Variants in SLC44A5 observed in about 807,000 individuals in gnomAD.
SLC44A5 encodes the protein solute carrier family 44 member 5.
A neutral mutation model predicts 101.8 loss-of-function variants in SLC44A5; 57 were observed. That is an observed-to-expected ratio of 0.56 (90% CI 0.45 to 0.70). SLC44A5 has a LOEUF of 0.70. Ranked by LOEUF, SLC44A5 falls within the 30% of genes least tolerant of loss-of-function variation. The pLI is 0.00. For synonymous variants in SLC44A5, 281 were observed against 290.9 expected, an observed-to-expected ratio of 0.97 and a Z score of 0.35; for missense variants, 737 against 853.1, an observed-to-expected ratio of 0.86 and a Z score of 1.70.
At chr1:75,489,395 T>C (rs143939505) in intron 2 of SLC44A5, among the ~76,000 whole-genome samples, 10 of 152,318 alleles carry the variant, frequency 6.6e-5, no homozygotes, top group Non-Finnish European at 1.3e-4. Context: ...AAGAAAAACA[T>C]AGAGCCAGCT....
chr1:75,242,133 T>C, intron 8 of SLC44A5, 72 bp from the exon 9 acceptor site: 1 of 1,217,774 alleles, frequency 8.2e-7, no homozygotes, highest in Admixed American at 2.0e-5. Flanking sequence ...TCTAAATATG[T>C]CCTTTAAAAA....
At chr1:75,497,591 G>A (rs979044815) in intron 2 of SLC44A5, among the ~76,000 whole-genome samples, 10 of 151,986 alleles carry the variant, frequency 6.6e-5, no homozygotes, top group Admixed American at 3.3e-4. Context: ...TAATAGTACC[G>A]TAAGACATAT....
chr1:75,601,846 G>A (rs1467764153), intron 1 of SLC44A5, among the ~76,000 whole-genome samples: 1 of 151,940 alleles, frequency 6.6e-6, no homozygotes, highest in East Asian at 1.9e-4. Flanking sequence ...CTGAGACATT[G>A]GTCTGACAAT....
intron 6 of SLC44A5, among the ~76,000 whole-genome samples, chr1:75,272,370 A>T: frequency 6.6e-6 from 1 of 150,960 alleles, no homozygotes; most frequent in African/African-American, 2.4e-5. Context: ...ATTTCTCACA[A>T]GATAGATATT....
chr1:75,298,585 G>A (rs1475072383), intron 5 of SLC44A5, among the ~76,000 whole-genome samples: 2 of 151,946 alleles, frequency 1.3e-5, no homozygotes, highest in African/African-American at 4.8e-5. Context: ...AGGACACAAA[G>A]CATTTTTCTG....
intron 6 of SLC44A5, among the ~76,000 whole-genome samples, chr1:75,262,239 A>G (rs568279498): frequency 1.3e-5 from 2 of 152,344 alleles, no homozygotes; most frequent in African/African-American, 4.8e-5. Context: ...AGAAAACCCC[A>G]TCATCTCAGC....
At chr1:75,322,052 G>A (rs904171124) in intron 4 of SLC44A5, among the ~76,000 whole-genome samples, 10 of 152,150 alleles carry the variant, frequency 6.6e-5, no homozygotes, top group South Asian at 4.1e-4. Flanking sequence ...GGTGGCTCAC[G>A]TCTGGAATTC....
chr1:75,283,688 A>G (rs902328401), intron 5 of SLC44A5, among the ~76,000 whole-genome samples: 3 of 152,104 alleles, frequency 2.0e-5, no homozygotes, highest in Admixed American at 6.5e-5. Flanking sequence ...GTGAGAGATG[A>G]AGATCCAGTT....
chr1:75,308,833 T>C (rs1252907574), intron 4 of SLC44A5, among the ~76,000 whole-genome samples: 1 of 152,228 alleles, frequency 6.6e-6, no homozygotes, highest in Admixed American at 6.5e-5. Flanking sequence ...CTCATTCAGC[T>C]ATTAAAATAG....
chr1:75,405,072 A>G (rs1243062939), intron 2 of SLC44A5, among the ~76,000 whole-genome samples: 1 of 152,250 alleles, frequency 6.6e-6, no homozygotes, highest in Admixed American at 6.5e-5. Flanking sequence ...ACAGACTTTC[A>G]ACAAACAGAG....
At chr1:75,684,599 C>A in the SLC44A5 span, among the ~76,000 whole-genome samples, 2 of 152,170 alleles carry the variant, frequency 1.3e-5, no homozygotes, top group Non-Finnish European at 2.9e-5. Context: ...CAAAATCCAG[C>A]AGGGTATTCA....
chr1:75,359,230 C>CT (rs58243679), intron 3 of SLC44A5, among the ~76,000 whole-genome samples: 2,249 of 108,672 alleles, frequency 0.021, 55 homozygotes, highest in East Asian at 0.069. Context: ...ATTTTCTTTT[C>CT]TTTTTTTTTT....
chr1:75,279,248 C>T (rs1652185163), intron 5 of SLC44A5, among the ~76,000 whole-genome samples: 1 of 152,230 alleles, frequency 6.6e-6, no homozygotes, highest in African/African-American at 2.4e-5. Flanking sequence ...TACTCTGTAC[C>T]TCCATGAGAT....
the SLC44A5 span, among the ~76,000 whole-genome samples, chr1:75,664,617 T>C: frequency 2.6e-5 from 4 of 151,974 alleles, no homozygotes; most frequent in Non-Finnish European, 5.9e-5. Flanking sequence ...AGGTGAAAGA[T>C]TTCTATAAAG....
intron 5 of SLC44A5, among the ~76,000 whole-genome samples, chr1:75,292,107 A>G (rs1266534188): frequency 6.6e-6 from 1 of 151,996 alleles, no homozygotes; most frequent in East Asian, 1.9e-4. Context: ...GATGAACTAC[A>G]GGGAGATTTT....
chr1:75,558,218 AAC>A (rs1672324543), intron 1 of SLC44A5, among the ~76,000 whole-genome samples: 1 of 152,186 alleles, frequency 6.6e-6, no homozygotes, highest in Admixed American at 6.6e-5. Flanking sequence ...TAATAGCAAG[AAC>A]ACTGTAGAGT....
chr1:75,589,934 C>T (rs1674250102), intron 1 of SLC44A5, among the ~76,000 whole-genome samples: 4 of 152,154 alleles, frequency 2.6e-5, no homozygotes, highest in Admixed American at 2.6e-4. Context: ...AACCTCACCA[C>T]CTAGCGCCAA....
intron 3 of SLC44A5, among the ~76,000 whole-genome samples, chr1:75,383,537 C>T (rs886578722): frequency 2.0e-5 from 3 of 152,008 alleles, no homozygotes; most frequent in Admixed American, 1.3e-4. Context: ...GCAAAGCCTC[C>T]AAGAAATATG....
At chr1:75,505,898 G>A (rs934466130) in intron 2 of SLC44A5, among the ~76,000 whole-genome samples, 1 of 151,960 alleles carries the variant, frequency 6.6e-6, no homozygotes, top group Admixed American at 6.6e-5. Flanking sequence ...TTACTTTTGA[G>A]GAAAGACTTA....
Sources: gnomAD v4.1 joint callset for allele counts (sites outside exome capture counted in the v4.1 genomes callset) on GRCh38, gnomAD v4.1.1 for gene constraint, MANE v1.5 for transcripts, NCBI Gene and HGNC (gene_info 2026-07-23, HGNC 2026-07-21) for gene names.